Variants in IL1RAPL2 observed in about 807,000 individuals in gnomAD.
The protein encoded by IL1RAPL2 is interleukin 1 receptor accessory protein like 2.
Under a neutral mutation model 44.1 loss-of-function variants are expected in IL1RAPL2, and 3 were observed. The observed-to-expected ratio is 0.07, with a 90% confidence interval of 0.03 to 0.18. IL1RAPL2 has a LOEUF of 0.18. Ranked by LOEUF, IL1RAPL2 falls within the 10% of genes least tolerant of loss-of-function variation. The pLI is 1.00. For synonymous variants in IL1RAPL2, 181 were observed against 178.8 expected, an observed-to-expected ratio of 1.01 and a Z score of -0.10; for missense variants, 391 against 496.4, an observed-to-expected ratio of 0.79 and a Z score of 2.02.
chrX:104,958,935 T>C (rs1400987014), intron 2 of IL1RAPL2, among the ~76,000 whole-genome samples: 2 of 110,343 alleles, frequency 1.8e-5, no homozygotes, highest in Non-Finnish European at 3.8e-5. Flanking sequence ...ACGATACATA[T>C]CCTGAGGTGT....
intron 2 of IL1RAPL2, among the ~76,000 whole-genome samples, chrX:104,889,944 C>G (rs1349108853): frequency 2.7e-5 from 3 of 110,566 alleles, no homozygotes; most frequent in African/African-American, 9.9e-5. Flanking sequence ...TGCTATCCCT[C>G]CCCCCTACCC....
intron 1 of IL1RAPL2, among the ~76,000 whole-genome samples, chrX:104,577,616 C>T (rs1258767907): frequency 1.8e-5 from 2 of 111,329 alleles, no homozygotes; most frequent in South Asian, 3.8e-4. Flanking sequence ...CAAGGGTGGT[C>T]GGGGACTGAT....
At chrX:105,121,784 A>G (rs2032928086) in intron 2 of IL1RAPL2, among the ~76,000 whole-genome samples, 1 of 111,219 alleles carries the variant, frequency 9.0e-6, no homozygotes, top group South Asian at 3.8e-4. Flanking sequence ...AAAGTGGTTA[A>G]TTCTTGGAGC....
At chrX:104,857,060 A>T (rs1400436777) in intron 2 of IL1RAPL2, among the ~76,000 whole-genome samples, 4 of 112,109 alleles carry the variant, frequency 3.6e-5, no homozygotes, top group Non-Finnish European at 5.6e-5. Context: ...CCACAATGCC[A>T]TATTACTTAT....
chrX:104,773,052 G>T (rs1932663151), intron 2 of IL1RAPL2, among the ~76,000 whole-genome samples: 1 of 111,056 alleles, frequency 9.0e-6, no homozygotes, highest in Admixed American at 9.5e-5. Context: ...TGGGGCTACA[G>T]GTATGTGTCA....
At chrX:104,867,110 G>A (rs941119806) in intron 2 of IL1RAPL2, among the ~76,000 whole-genome samples, 4 of 108,345 alleles carry the variant, frequency 3.7e-5, no homozygotes, top group South Asian at 4.1e-4. Flanking sequence ...AGTGGTGGGC[G>A]CCTGTAGTCC....
chrX:105,385,955 T>G (rs2035473808), intron 5 of IL1RAPL2, among the ~76,000 whole-genome samples: 1 of 111,679 alleles, frequency 9.0e-6, no homozygotes, highest in African/African-American at 3.3e-5. Flanking sequence ...GTAATATTAT[T>G]ATTGAAATAC....
chrX:105,324,729 G>C (rs1043463832), intron 5 of IL1RAPL2, among the ~76,000 whole-genome samples: 1 of 112,181 alleles, frequency 8.9e-6, no homozygotes, highest in Non-Finnish European at 1.9e-5. Context: ...AAGGGCCTGA[G>C]TCTAGGTTTT....
At chrX:105,196,762 A>G (rs146352926) in intron 3 of IL1RAPL2, among the ~76,000 whole-genome samples, 96 of 111,613 alleles carry the variant, frequency 8.6e-4, no homozygotes, top group African/African-American at 3.0e-3. Flanking sequence ...AGCATCTAGC[A>G]TCTCAAATAG....
chrX:105,046,370 C>T (rs936458571), intron 2 of IL1RAPL2, among the ~76,000 whole-genome samples: 4 of 111,673 alleles, frequency 3.6e-5, no homozygotes, highest in Non-Finnish European at 5.6e-5. Flanking sequence ...AGTGGCTGCA[C>T]TCTGCTTTCT....
chrX:105,496,003 C>T (rs1057058550), intron 6 of IL1RAPL2, among the ~76,000 whole-genome samples: 1 of 111,827 alleles, frequency 8.9e-6, no homozygotes, highest in African/African-American at 3.2e-5. Flanking sequence ...TGATAAGAAA[C>T]ATATACAATC....
chrX:105,138,766 T>C (rs2033100287), intron 2 of IL1RAPL2, among the ~76,000 whole-genome samples: 1 of 111,397 alleles, frequency 9.0e-6, no homozygotes, highest in African/African-American at 3.3e-5. Flanking sequence ...CTTGACTTTG[T>C]AACTTGCAGA....
rs769909779 is a variant in IL1RAPL2 at position 104,947,144 on chromosome X, A to C, written c.83-248331A>C. Among the ~76,000 whole-genome samples the C allele has an allele frequency of 7.2e-5, 8 of 111,675 alleles. No individual in the cohort carries two copies. In the South Asian group the frequency reaches 2.3e-3, roughly 32 times the overall value. ...GAGATGGTATCTCATTGTGGTTTTGATTTGTATTTCTCTGATGGCCAGTGA... is the reference window on the plus strand; with the variant it reads ...GAGATGGTATCTCATTGTGGTTTTGCTTTGTATTTCTCTGATGGCCAGTGA... On this transcript the variant is annotated intron_variant, in intron 2 of 10. Coordinates refer to ENST00000372582, the MANE Select transcript of IL1RAPL2 (RefSeq NM_017416.2).
chrX:105,020,915 G>A (rs2031272915), intron 2 of IL1RAPL2, among the ~76,000 whole-genome samples: 1 of 111,796 alleles, frequency 8.9e-6, no homozygotes, highest in Non-Finnish European at 1.9e-5. Flanking sequence ...CTAGGCATAC[G>A]TTTAAAGATA....
rs782316912 is a variant in IL1RAPL2, at chrX:105,203,244, C to G, written c.356+7496C>G. Among the ~76,000 whole-genome samples the G allele has an allele frequency of 4.5e-5, 5 of 111,864 alleles. No individual in the cohort carries two copies. In the Admixed American group the frequency reaches 4.8e-4, roughly 11 times the overall value. The stretch of plus-strand genomic sequence containing the variant: ...AGAACATCACCTGAGCAATTCTCCT[C>G]TCTCTCTCCCATATCATGAAATTTT... On this transcript the variant is annotated intron_variant, in intron 3 of 10. Transcript: ENST00000372582.
intron 2 of IL1RAPL2, among the ~76,000 whole-genome samples, chrX:104,959,303 T>C (rs1210006522): frequency 9.0e-6 from 1 of 111,062 alleles, no homozygotes; most frequent in Non-Finnish European, 1.9e-5. Flanking sequence ...TCAGGTGTCG[T>C]CTTATTTCTA....
At chrX:105,071,683 T>C (rs1282147577) in intron 2 of IL1RAPL2, among the ~76,000 whole-genome samples, 4 of 111,686 alleles carry the variant, frequency 3.6e-5, no homozygotes, top group Admixed American at 9.5e-5. Context: ...TACAGACCAA[T>C]GGAACAGATT....
At chrX:105,501,040 A>G (rs1236527525) in intron 6 of IL1RAPL2, among the ~76,000 whole-genome samples, 1 of 111,999 alleles carries the variant, frequency 8.9e-6, no homozygotes, top group African/African-American at 3.2e-5. Context: ...ATCTCTTACT[A>G]GACTGTAAAA....
intron 2 of IL1RAPL2, among the ~76,000 whole-genome samples, chrX:104,802,071 G>A (rs1477022363): frequency 9.0e-6 from 1 of 110,932 alleles, no homozygotes; most frequent in African/African-American, 3.3e-5. Flanking sequence ...AAGGCCAGGC[G>A]CGGTGGTTCA....
Sources: allele counts gnomAD v4.1 joint callset (sites outside exome capture counted in the v4.1 genomes callset), GRCh38; gene constraint gnomAD v4.1.1; transcripts MANE v1.5; gene names NCBI Gene and HGNC (gene_info 2026-07-23, HGNC 2026-07-21).